The following GTF3C1 variants were observed in gnomAD, a reference collection of about 807,000 sequenced individuals.
The protein encoded by GTF3C1 is general transcription factor 3C polypeptide 1.
In GTF3C1, 57 loss-of-function variants were observed where a neutral mutation model predicts 226.7. That is an observed-to-expected ratio of 0.25 (90% confidence interval 0.20 to 0.31). The LOEUF is 0.31. Ranked by LOEUF, GTF3C1 falls within the 10% of genes least tolerant of loss-of-function variation. The pLI, the probability that GTF3C1 is intolerant of heterozygous loss-of-function variation, is 1.00. For missense variants in GTF3C1, 2,217 were observed against 2,776.1 expected (o/e 0.80, Z 4.53); for synonymous variants, 1,090 against 1,084.8 (o/e 1.00, Z -0.09).
At chr16:27,473,079 T>G (rs566204346) in intron 29 of GTF3C1, among the ~76,000 whole-genome samples, 1 of 152,266 alleles carries the variant, frequency 6.6e-6, no homozygotes, top group South Asian at 2.1e-4. Flanking sequence ...TGGTTAATTT[T>G]TGTATTTTTT....
At chr16:27,521,537 G>T (rs974416894) in intron 6 of GTF3C1, among the ~76,000 whole-genome samples, 6 of 152,264 alleles carry the variant, frequency 3.9e-5, no homozygotes, top group Non-Finnish European at 1.5e-5. Context: ...GATCAGCGGG[G>T]AAGAGGCCAG....
chr16:27,530,360 C>T (rs752893893), intron 5 of GTF3C1, among the ~76,000 whole-genome samples: 16 of 152,188 alleles, frequency 1.1e-4, no homozygotes, highest in Non-Finnish European at 2.2e-4. Context: ...CATCAGATCC[C>T]AGCCCTTGAC....
chr16:27,500,751 T>C (rs1260797231), intron 12 of GTF3C1, among the ~76,000 whole-genome samples: 1 of 152,228 alleles, frequency 6.6e-6, no homozygotes, highest in African/African-American at 2.4e-5. Flanking sequence ...GCAGAAGAGA[T>C]GTACTGCTCC....
chr16:27,499,675 T>C (rs992002004), intron 12 of GTF3C1, among the ~76,000 whole-genome samples: 1 of 151,930 alleles, frequency 6.6e-6, no homozygotes, highest in African/African-American at 2.4e-5. Flanking sequence ...ACCAGCTTTG[T>C]GGTTTTGTGA....
Position 27,463,573 on chromosome 16 carries a change from T to C in GTF3C1, c.5892A>G (p.Gly1964=). The C allele has an allele frequency of 6.2e-7, 1 of 1,602,910 alleles. No homozygotes were observed. The highest frequency in any genetic ancestry group is 8.5e-7 in the Non-Finnish European group (1 of 1,169,974). Residue 1964 remains glycine, a synonymous_variant, in exon 35 of 37, where the codon GGA becomes GGG. Coordinates refer to ENST00000356183, the MANE Select transcript of GTF3C1 (RefSeq NM_001520.4). The surrounding 1 kb of genome is among the most constrained non-coding windows in gnomAD (Gnocchi z 4.9). ...EDPRGFTESF[G]AANISQAARE... ...GTGCTGCCTGGGAGATGTTGGCAGC[T>C]CCGAAACTCTCTGTGAACCCTGAGG...
chr16:27,532,016 C>A (rs1262864074), intron 5 of GTF3C1, among the ~76,000 whole-genome samples: 1 of 152,192 alleles, frequency 6.6e-6, no homozygotes, highest in East Asian at 1.9e-4. Flanking sequence ...GGAGAGGTGA[C>A]AGGAAGCAGG....
At chr16:27,474,870 C>T (rs533547249) in intron 29 of GTF3C1, among the ~76,000 whole-genome samples, 37 of 152,310 alleles carry the variant, frequency 2.4e-4, no homozygotes, top group Admixed American at 5.9e-4. Flanking sequence ...GGACATTTCT[C>T]GGGCCTCCCT....
At chr16:27,479,875 C>T (rs948268338) in intron 27 of GTF3C1, among the ~76,000 whole-genome samples, 1 of 152,138 alleles carries the variant, frequency 6.6e-6, no homozygotes, top group Non-Finnish European at 1.5e-5. Context: ...GGTTCATGGG[C>T]TCTCCTTTAA....
chr16:27,520,127 G>A (rs771590405), intron 6 of GTF3C1, among the ~76,000 whole-genome samples: 2 of 152,086 alleles, frequency 1.3e-5, no homozygotes, highest in Non-Finnish European at 2.9e-5. Flanking sequence ...GTTTGGTTTT[G>A]TTTTGTTGAC....
At chr16:27,473,514 C>T (rs1025790557) in intron 29 of GTF3C1, among the ~76,000 whole-genome samples, 1 of 152,230 alleles carries the variant, frequency 6.6e-6, no homozygotes, top group Non-Finnish European at 1.5e-5. Flanking sequence ...TTAGGTGCTG[C>T]CCCCAGGACC....
At chr16:27,482,592 T>C (rs1197320431) in intron 26 of GTF3C1, 2 of 456,334 alleles carry the variant, frequency 4.4e-6, no homozygotes, top group South Asian at 1.5e-5. Context: ...CACACTGTAG[T>C]GTCCAGGGTT....
chr16:27,525,352 G>C (rs1234580067), intron 6 of GTF3C1, among the ~76,000 whole-genome samples: 1 of 152,054 alleles, frequency 6.6e-6, no homozygotes, highest in Non-Finnish European at 1.5e-5. Flanking sequence ...TTTTCCTCAA[G>C]GAGTTCCAGT....
chr16:27,507,469 G>A lies in GTF3C1; in HGVS notation c.1243-313C>T, dbSNP rs946532281. The stretch of plus-strand genomic sequence containing the variant: ...ATAGCCCCAGTGGCTGGGACAGGAC[G>A]TGGCCCACACAAAATGGACAGTACG... On this transcript the variant is annotated intron_variant, in intron 8 of 36. Coordinates refer to ENST00000356183, the MANE Select transcript of GTF3C1 (RefSeq NM_001520.4). The surrounding 1 kb of genome is among the most constrained non-coding windows in gnomAD (Gnocchi z 4.9). 3.9e-5 allele frequency among the ~76,000 whole-genome samples: 6 copies of A among 152,298 alleles called. No individual in the cohort carries two copies. Among genetic ancestry groups the A allele is most frequent in the African/African-American group, 1.2e-4 (5 of 41,540 alleles).
At chr16:27,516,405 C>T (rs999444699) in intron 6 of GTF3C1, among the ~76,000 whole-genome samples, 2 of 152,220 alleles carry the variant, frequency 1.3e-5, no homozygotes, top group African/African-American at 4.8e-5. Flanking sequence ...CGTGAGGCGG[C>T]TGTGCTTCCA....
Position 27,533,324 on chromosome 16 carries a change from G to C in GTF3C1, c.816C>G (p.His272Gln), listed in dbSNP as rs781165403. Residue 272 changes from histidine (H) to glutamine (Q), a missense_variant, in exon 5 of 37, where the codon CAC becomes CAG. His to Gln is a conservative substitution (Grantham distance 24). Around this residue, in one of 12 missense-constraint regions of GTF3C1, gnomAD observed 163 missense variants for 234.3 expected, o/e 0.70. Transcript: ENST00000356183. ...CCCTCAGCTTTCCCAGCGTCTCTAT[G>C]TGGTTAGTCCGTGTGCTCAGCATGA... ...LSVMLSTRTN[H>Q]IETLGKLREE... is the part of the protein sequence containing the mutation. 5 of 1,606,206 alleles carry C rather than the reference G, an allele frequency of 3.1e-6. No homozygotes were observed. The Admixed American group carries it at 6.7e-5, about 21-fold the overall frequency.
chr16:27,496,445 C>T (rs1427978044), intron 14 of GTF3C1, among the ~76,000 whole-genome samples: 1 of 152,204 alleles, frequency 6.6e-6, no homozygotes, highest in Non-Finnish European at 1.5e-5. Flanking sequence ...CAGAGTCTCG[C>T]TCTGTTGCCC....
At position 27,492,856 on chromosome 16, in the gene GTF3C1, T is replaced by C. The variant is rs1356455186; in HGVS notation, c.2877-143A>G. ...TGGAGGACCAGCCTCAAGCCCACAC[T>C]GCACTAAGGCCCAGAACTACCCAAC... On this transcript the variant is annotated intron_variant, in intron 17 of 36. Transcript: ENST00000356183. The surrounding 1 kb of genome is among the most constrained non-coding windows in gnomAD (Gnocchi z 5.0). 4.6e-6 allele frequency: 3 copies of C among 648,712 alleles called. No homozygotes were observed. The African/African-American group carries it at 5.4e-5, about 12-fold the overall frequency. 40.2% of individuals were successfully genotyped at this position (648,712 alleles called of 1,614,324 possible).
In GTF3C1 at chr16:27,462,753, G is replaced by C. The variant is rs1490571762; in HGVS notation, c.5925-267C>G. 2.2e-6 allele frequency: 1 copy of C among 459,876 alleles called. No homozygotes were observed. Among genetic ancestry groups the C allele is most frequent in the Non-Finnish European group, 4.0e-6 (1 of 252,692 alleles). The allele number at this position is 459,876 out of a possible 1,614,324, so 28.5% of individuals were successfully genotyped here. A position where few individuals can be genotyped will look rare whatever the true frequency, so the allele number is the denominator to read the frequency against. ...CTCAGTGGGCCCACCCACATTGGCA[G>C]GAGAGGGACAAGGGTTGTGACTCCT... On this transcript the variant is annotated intron_variant, in intron 35 of 36. Coordinates refer to ENST00000356183, the MANE Select transcript of GTF3C1 (RefSeq NM_001520.4). This position sits in a 1 kb window ranked among gnomAD's most constrained non-coding sequence, Gnocchi z 4.5.
Position 27,462,327 on chromosome 16 carries a change from G to C in GTF3C1, c.6084C>G (p.Val2028=). The change falls in exon 36 of 37, where the codon GTC becomes GTG. Residue 2028 remains valine (V), a synonymous_variant. Coordinates refer to ENST00000356183, the MANE Select transcript of GTF3C1 (RefSeq NM_001520.4). The surrounding 1 kb of genome is among the most constrained non-coding windows in gnomAD (Gnocchi z 4.5). ...ACTCCAGCACGGCGACGGGCTGCAG[G>C]ACCCCCTGGTAGTGGCGCAGCAGGG... is the stretch of plus-strand genomic sequence containing the variant. ...ESSLLRHYQG[V]LQPVAVLELL... The C allele has an allele frequency of 6.4e-7, 1 of 1,564,084 alleles. No individual in the cohort carries two copies.
Sources: allele counts gnomAD v4.1 joint callset (sites outside exome capture counted in the v4.1 genomes callset), GRCh38; gene constraint gnomAD v4.1.1; regional missense constraint gnomAD v4.1.1; non-coding constraint Gnocchi (gnomAD v3.1); transcripts MANE v1.5; gene names NCBI Gene and HGNC (gene_info 2026-07-23, HGNC 2026-07-21).